NLGN4X: variants seen among roughly 807,000 people sequenced by gnomAD.
NLGN4X encodes neuroligin 4 X-linked.
In NLGN4X, 3 loss-of-function variants were observed where a neutral mutation model predicts 40.3. The observed-to-expected ratio is 0.07, with a 90% CI of 0.03 to 0.19. The LOEUF (loss-of-function observed/expected upper bound fraction) is 0.19. Ranked by LOEUF, NLGN4X falls within the 10% of genes least tolerant of loss-of-function variation. The pLI is 1.00. For synonymous variants in NLGN4X, 270 were observed against 306.8 expected (o/e 0.88, Z 1.25); for missense variants, 382 against 708.3 (o/e 0.54, Z 5.23).
chrX:6,131,410 TAA>T (rs756100610), intron 2 of NLGN4X, among the ~76,000 whole-genome samples: 1 of 111,772 alleles, frequency 8.9e-6, no homozygotes, highest in Non-Finnish European at 1.9e-5. Flanking sequence ...ATACACTAAA[TAA>T]ATAAGTCTTT....
chrX:5,897,209 G>C (rs897885460), intron 5 of NLGN4X, among the ~76,000 whole-genome samples: 7 of 111,350 alleles, frequency 6.3e-5, no homozygotes, highest in Non-Finnish European at 1.1e-4. Flanking sequence ...GCATTGTTTG[G>C]TTACTTTAAA....
chrX:6,016,281 G>T (rs896098624), intron 3 of NLGN4X, among the ~76,000 whole-genome samples: 25 of 111,812 alleles, frequency 2.2e-4, no homozygotes, highest in African/African-American at 7.8e-4. Context: ...ATTCTCACTG[G>T]TACTGCCCTG....
intron 1 of NLGN4X, among the ~76,000 whole-genome samples, chrX:6,199,118 G>A (rs1923375176): frequency 9.0e-6 from 1 of 111,721 alleles, no homozygotes; most frequent in Non-Finnish European, 1.9e-5. Context: ...GCAGGTTTTA[G>A]TGTAGTCATT....
chrX:5,995,079 T>A (rs1400244258), intron 3 of NLGN4X, among the ~76,000 whole-genome samples: 2 of 112,494 alleles, frequency 1.8e-5, no homozygotes, highest in Non-Finnish European at 3.8e-5. Context: ...GCTCCTCTAA[T>A]GAATGAGTCA....
At chrX:5,932,511 A>G (rs760599234) in intron 3 of NLGN4X, among the ~76,000 whole-genome samples, 1 of 112,459 alleles carries the variant, frequency 8.9e-6, no homozygotes, top group Admixed American at 9.5e-5. Flanking sequence ...TGAAGAAATT[A>G]CAATAGACAA....
chrX:6,127,500 T>C (rs1196704973), intron 2 of NLGN4X, among the ~76,000 whole-genome samples: 1 of 112,097 alleles, frequency 8.9e-6, no homozygotes, highest in East Asian at 2.8e-4. Context: ...TCCCAGCTAC[T>C]TGGGAGGCTG....
At chrX:5,990,007 A>C (rs761736011) in intron 3 of NLGN4X, among the ~76,000 whole-genome samples, 9 of 109,223 alleles carry the variant, frequency 8.2e-5, no homozygotes, top group Non-Finnish European at 1.7e-4. Context: ...GTACTAACCT[A>C]ACCATGGGTA....
chrX:6,119,821 A>G (rs1254361827), intron 2 of NLGN4X, among the ~76,000 whole-genome samples: 1 of 111,645 alleles, frequency 9.0e-6, no homozygotes, highest in African/African-American at 3.3e-5. Flanking sequence ...ATGGCCCATC[A>G]GTCATGAAGA....
intron 1 of NLGN4X, among the ~76,000 whole-genome samples, chrX:6,183,705 T>A (rs192346102): frequency 1.8e-5 from 2 of 112,299 alleles, no homozygotes; most frequent in East Asian, 5.6e-4. Context: ...ATAGAATGTT[T>A]CCTAAAATCG....
intron 1 of NLGN4X, chrX:6,227,958 AG>A (rs34690932): frequency 3.1e-3 from 278 of 90,038 alleles, no homozygotes; most frequent in South Asian, 0.011. Flanking sequence ...TTAAAGAATA[AG>A]GGGGGGGGGT....
At chrX:6,013,714 T>A (rs974071319) in intron 3 of NLGN4X, among the ~76,000 whole-genome samples, 2 of 109,782 alleles carry the variant, frequency 1.8e-5, no homozygotes, top group Non-Finnish European at 3.8e-5. Context: ...AAAACTTAGC[T>A]GGGCGTGGTG....
intron 1 of NLGN4X, among the ~76,000 whole-genome samples, chrX:6,158,570 G>A (rs1046772663): frequency 8.9e-6 from 1 of 112,098 alleles, no homozygotes; most frequent in South Asian, 3.7e-4. Flanking sequence ...ACTGAGCAAC[G>A]ATGTGGAGCA....
At chrX:5,968,412 T>C (rs1485836711) in intron 3 of NLGN4X, among the ~76,000 whole-genome samples, 1 of 83,044 alleles carries the variant, frequency 1.2e-5, no homozygotes, top group African/African-American at 4.6e-5. Context: ...TTGGATCTAG[T>C]ATGGCTGTCT....
chrX:6,155,912 G>A (rs1156481372), intron 1 of NLGN4X, among the ~76,000 whole-genome samples: 2 of 112,353 alleles, frequency 1.8e-5, no homozygotes, highest in African/African-American at 6.5e-5. Context: ...TGTTGCGGCT[G>A]CAGAGAAAAG....
intron 3 of NLGN4X, among the ~76,000 whole-genome samples, chrX:5,923,400 C>G (rs960077560): frequency 6.2e-5 from 7 of 112,755 alleles, no homozygotes; most frequent in African/African-American, 2.3e-4. Context: ...CTTGCCCTCC[C>G]AAAGTGCTAG....
At chrX:6,127,168 C>G (rs776315830) in intron 2 of NLGN4X, among the ~76,000 whole-genome samples, 41 of 111,581 alleles carry the variant, frequency 3.7e-4, no homozygotes, top group Non-Finnish European at 7.1e-4. Flanking sequence ...CTCCAGTTCC[C>G]TCCCTGGTAG....
chrX:5,959,847 T>C (rs2034603089), intron 3 of NLGN4X, among the ~76,000 whole-genome samples: 1 of 111,361 alleles, frequency 9.0e-6, no homozygotes, highest in Non-Finnish European at 1.9e-5. Flanking sequence ...GGTTATGATT[T>C]AGATTTCTAC....
intron 2 of NLGN4X, among the ~76,000 whole-genome samples, chrX:6,097,000 T>C (rs1268680245): frequency 1.8e-5 from 2 of 109,967 alleles, no homozygotes; most frequent in African/African-American, 6.6e-5. Context: ...CTTTCATCTA[T>C]TGTGGTAACA....
chrX:5,894,761 T>G (rs746025847), intron 5 of NLGN4X, among the ~76,000 whole-genome samples: 40 of 112,571 alleles, frequency 3.6e-4, no homozygotes, highest in Non-Finnish European at 6.8e-4. Context: ...TTCCATTTTT[T>G]TTATGGCTTG....
Sources: allele counts gnomAD v4.1 joint callset (sites outside exome capture counted in the v4.1 genomes callset), GRCh38; gene constraint gnomAD v4.1.1; transcripts MANE v1.5; gene names NCBI Gene and HGNC (gene_info 2026-07-23, HGNC 2026-07-21).